The following STT3A variants were observed in gnomAD, a reference collection of about 807,000 sequenced individuals.
STT3A encodes dolichyl-diphosphooligosaccharide--protein glycosyltransferase subunit STT3A.
STT3A carries 34 observed loss-of-function variants against 89.2 expected under a neutral mutation model. That is an observed-to-expected ratio of 0.38 (90% CI 0.29 to 0.51). STT3A has a LOEUF of 0.51. Ranked by LOEUF, STT3A falls within the 20% of genes least tolerant of loss-of-function variation. The probability of loss-of-function intolerance (pLI) is 0.89; values close to 1 mark genes in which losing one functional copy is unlikely to be tolerated. For missense variants in STT3A, 555 were observed against 889.5 expected (o/e 0.62, Z 4.78); for synonymous variants, 282 against 310.3 (o/e 0.91, Z 0.96).
At chr11:125,609,289 T>A in intron 9 of STT3A, 145 bp from the exon 10 acceptor site, 4 of 956,302 alleles carry the variant, frequency 4.2e-6, no homozygotes, top group Non-Finnish European at 5.9e-6. Flanking sequence ...GGAGTGAAAC[T>A]CTCTAAGTAT....
rs1940368121 is a variant in STT3A at position 125,622,214 on chromosome 11, G to A, written c.*1404G>A. ...CATAACTTTTAGATTAGTCATAGTGGTGCTCCTAAGGGATATGCTGTTGTA... is the reference window on the plus strand; with the variant it reads ...CATAACTTTTAGATTAGTCATAGTGATGCTCCTAAGGGATATGCTGTTGTA... On this transcript the variant is annotated 3_prime_UTR_variant, in exon 18 of 18. Transcript: ENST00000392708. 2.0e-5 allele frequency: 3 copies of A among 152,166 alleles called. No homozygotes were observed. The highest frequency in any genetic ancestry group is 2.0e-4 in the Admixed American group (3 of 15,270). 9.4% of individuals were successfully genotyped at this position (152,166 alleles called of 1,614,324 possible).
At chr11:125,604,912 G>A (rs1939787245) in intron 6 of STT3A, among the ~76,000 whole-genome samples, 1 of 152,036 alleles carries the variant, frequency 6.6e-6, no homozygotes, top group Non-Finnish European at 1.5e-5. Flanking sequence ...AGGAGTTTGA[G>A]ACCAGCCTGG....
In STT3A at chr11:125,609,416, T is replaced by C. The variant is rs750846275; in HGVS notation, c.962-18T>C. 6.3e-6 allele frequency: 10 copies of C among 1,589,508 alleles called. No homozygotes were observed. Among genetic ancestry groups the C allele is most frequent in the Non-Finnish European group, 8.5e-6 (10 of 1,169,970 alleles). The stretch of plus-strand genomic sequence containing the variant: ...TTGAAGAGTGTGTGTGGAATATTTA[T>C]TGCCTCTTTGCTGCTAGGAAAAATA... On this transcript the variant is annotated intron_variant, in intron 9 of 17. Transcript: ENST00000392708.
At position 125,605,682 on chromosome 11, in the gene STT3A, A is replaced by C; in HGVS notation, c.562A>C (p.Lys188Gln). The C allele has an allele frequency of 6.2e-7, 1 of 1,614,108 alleles. No individual in the cohort carries two copies. The highest frequency in any genetic ancestry group is 8.5e-7 in the Non-Finnish European group (1 of 1,179,996). The change falls in exon 7 of 18, where the codon AAG becomes CAG. Residue 188 changes from lysine (K) to glutamine (Q), a missense_variant. By Grantham distance (53) the Lys-to-Gln change is moderately conservative. Transcript: ENST00000392708. ...CTACTACATGTGGATCAAGGCAGTA[A>C]AGACTGGTTCCATCTGTTGGGCAGC... The part of the protein sequence containing the change: ...LTYYMWIKAV[K>Q]TGSICWAAKC...
intron 8 of STT3A, 128 bp from the exon 9 acceptor site, chr11:125,607,981 C>A: frequency 3.0e-6 from 3 of 985,142 alleles, no homozygotes; most frequent in Non-Finnish European, 4.3e-6. Context: ...TAGATTGGCC[C>A]TGATTCCTTC....
intron 10 of STT3A, 46 bp from the exon 11 acceptor site, chr11:125,611,382 C>A: frequency 6.8e-7 from 1 of 1,468,402 alleles, no homozygotes; most frequent in South Asian, 1.1e-5. Context: ...TTGTAGGTTT[C>A]AACCTACAGG....
intron 15 of STT3A, among the ~76,000 whole-genome samples, chr11:125,615,127 C>T (rs1458592061): frequency 6.6e-6 from 1 of 151,940 alleles, no homozygotes; most frequent in African/African-American, 2.4e-5. Flanking sequence ...ATTAGCCAGG[C>T]GTAGTGGCAC....
chr11:125,603,345 T>G (rs1471756017), intron 5 of STT3A: 1 of 160,626 alleles, frequency 6.2e-6, no homozygotes, highest in Non-Finnish European at 1.4e-5. Context: ...TAAAAAAAAT[T>G]TTTTTTTATT....
At chr11:125,611,239 G>T in intron 10 of STT3A, 189 bp from the exon 11 acceptor site, 2 of 450,746 alleles carry the variant, frequency 4.4e-6, no homozygotes, top group Non-Finnish European at 8.0e-6. Context: ...TGATTTTTTT[G>T]CTACTTTAAA....
intron 8 of STT3A, 128 bp from the exon 9 acceptor site, chr11:125,607,981 C>G: frequency 1.0e-6 from 1 of 985,148 alleles, no homozygotes; most frequent in East Asian, 2.7e-5. Flanking sequence ...TAGATTGGCC[C>G]TGATTCCTTC....
chr11:125,592,130 G>A (rs1251755323), upstream of STT3A, among the ~76,000 whole-genome samples: 1 of 152,194 alleles, frequency 6.6e-6, no homozygotes, highest in Admixed American at 6.5e-5. Context: ...CTGTGCCTCC[G>A]CGGCGGTGGC....
At chr11:125,608,748 G>A (rs1222907249) in intron 9 of STT3A, among the ~76,000 whole-genome samples, 1 of 152,198 alleles carries the variant, frequency 6.6e-6, no homozygotes, top group East Asian at 1.9e-4. Context: ...TCGGAAGCAT[G>A]TACAATCCCA....
upstream of STT3A, chr11:125,592,764 C>T (rs908833511): frequency 1.5e-4 from 42 of 280,166 alleles, no homozygotes; most frequent in African/African-American, 8.7e-4. Context: ...ACAGACAGTT[C>T]CGAGACCCTA....
In STT3A at chr11:125,608,370, A is replaced by G. The variant is rs949967806; in HGVS notation, c.961+81A>G. 8.5e-6 allele frequency: 12 copies of G among 1,418,096 alleles called. No homozygotes were observed. In the African/African-American group the frequency reaches 1.7e-4, roughly 20 times the overall value. The allele number at this position is 1,418,096 out of a possible 1,614,324, so 87.8% of individuals were successfully genotyped here. A position where few individuals can be genotyped will look rare whatever the true frequency, so the allele number is the denominator to read the frequency against. Reference sequence around the variant, plus strand: ...GCTCTTGTTGCCCAGGCCGGAGTGCAGTGGTGCGATCTCGGCTCACTGCAA... The same window carrying G: ...GCTCTTGTTGCCCAGGCCGGAGTGCGGTGGTGCGATCTCGGCTCACTGCAA... On this transcript the variant is annotated intron_variant, in intron 9 of 17. Coordinates refer to ENST00000392708, the MANE Select transcript of STT3A (RefSeq NM_152713.5).
At chr11:125,610,471 C>T (rs938505794) in intron 10 of STT3A, among the ~76,000 whole-genome samples, 1 of 151,988 alleles carries the variant, frequency 6.6e-6, no homozygotes, top group Non-Finnish European at 1.5e-5. Flanking sequence ...ATAATCCTAG[C>T]CAGTTAGGAG....
chr11:125,604,968 AGTGT>A (rs1939788530), intron 6 of STT3A, among the ~76,000 whole-genome samples: 1 of 152,084 alleles, frequency 6.6e-6, no homozygotes, highest in African/African-American at 2.4e-5. Flanking sequence ...TGGGCATGGT[AGTGT>A]GCGCCTATAG....
chr11:125,611,874 T>A (rs1038443133), intron 11 of STT3A, among the ~76,000 whole-genome samples: 2 of 113,122 alleles, frequency 1.8e-5, no homozygotes, highest in African/African-American at 6.6e-5. Flanking sequence ...TTTTTTTTTT[T>A]TTTTTTTTTT....
chr11:125,604,506 A>G (rs948177021), intron 6 of STT3A, among the ~76,000 whole-genome samples: 1 of 152,162 alleles, frequency 6.6e-6, no homozygotes, highest in African/African-American at 2.4e-5. Context: ...CATTATAATC[A>G]TTTGCTTTAT....
intron 6 of STT3A, among the ~76,000 whole-genome samples, chr11:125,604,975 G>A (rs927779107): frequency 3.3e-5 from 5 of 152,224 alleles, no homozygotes; most frequent in Non-Finnish European, 7.4e-5. Flanking sequence ...GGTAGTGTGC[G>A]CCTATAGTCC....
Sources: gnomAD v4.1 joint callset for allele counts (sites outside exome capture counted in the v4.1 genomes callset) on GRCh38, gnomAD v4.1.1 for gene constraint, MANE v1.5 for transcripts, NCBI Gene and HGNC (gene_info 2026-07-23, HGNC 2026-07-21) for gene names.